Variants in UNC13C observed in about 807,000 individuals in gnomAD.
The protein encoded by UNC13C is unc-13 homolog C.
A neutral mutation model predicts 245.4 loss-of-function variants in UNC13C; 174 were observed. The observed-to-expected ratio is 0.71, with a 90% CI of 0.63 to 0.80. The LOEUF (loss-of-function observed/expected upper bound fraction) is 0.80. Among genes scored for constraint, UNC13C ranks in the 30% least tolerant of loss-of-function variants. The pLI, the probability that UNC13C is intolerant of heterozygous loss-of-function variation, is 0.00. For synonymous variants in UNC13C, 992 were observed against 895.1 expected (o/e 1.11, Z -1.93); for missense variants, 2,829 against 2,602.9 (o/e 1.09, Z -1.89).
chr15:54,019,396 G>A (rs1157872670), intron 2 of UNC13C, among the ~76,000 whole-genome samples: 1 of 152,226 alleles, frequency 6.6e-6, no homozygotes, highest in Non-Finnish European at 1.5e-5. Flanking sequence ...AAGGCACTAA[G>A]TTTCTGGGAC....
At chr15:53,967,225 T>A in the UNC13C span, among the ~76,000 whole-genome samples, 2 of 152,148 alleles carry the variant, frequency 1.3e-5, no homozygotes, top group Non-Finnish European at 2.9e-5. Flanking sequence ...TCATTATGCT[T>A]CATATACTCA....
intron 19 of UNC13C, among the ~76,000 whole-genome samples, chr15:54,471,661 TG>T (rs1327020647): frequency 6.6e-6 from 1 of 151,612 alleles, no homozygotes; most frequent in Non-Finnish European, 1.5e-5. Flanking sequence ...ACTTATTTTG[TG>T]GCCTAACATA....
chr15:54,143,115 C>G, intron 3 of UNC13C, 75 bp downstream of exon 3: 2 of 1,350,538 alleles, frequency 1.5e-6, no homozygotes, highest in South Asian at 2.4e-5. Context: ...CATATTAGAT[C>G]TGTTTGATTC....
At chr15:54,491,435 A>G (rs1368007297) in intron 19 of UNC13C, among the ~76,000 whole-genome samples, 1 of 152,236 alleles carries the variant, frequency 6.6e-6, no homozygotes, top group African/African-American at 2.4e-5. Context: ...AAAGCTGGAA[A>G]AATGCAAAAG....
At position 54,324,868 on chromosome 15, in the gene UNC13C, A is replaced by G. The variant is rs759522657; in HGVS notation, c.4425+2773A>G. ...TGAATGGCATATAACAAGCTTGTCC[A>G]ACCCACAGCCCGTGGGCCACATGCA... On this transcript the variant is annotated intron_variant, in intron 14 of 32. Coordinates refer to ENST00000260323, the MANE Select transcript of UNC13C (RefSeq NM_001080534.3). Among the ~76,000 whole-genome samples, 42 of 152,074 alleles carry G rather than the reference A, an allele frequency of 2.8e-4. 1 individual carries two copies. Among genetic ancestry groups the G allele is most frequent in the Non-Finnish European group, 5.1e-4 (35 of 67,992 alleles).
At chr15:54,533,739 T>C (rs1895862528) in intron 26 of UNC13C, among the ~76,000 whole-genome samples, 1 of 152,190 alleles carries the variant, frequency 6.6e-6, no homozygotes, top group African/African-American at 2.4e-5. Flanking sequence ...AGGTTTTTGT[T>C]CTGTTCCTAC....
At chr15:54,180,278 A>G (rs892711981) in intron 4 of UNC13C, among the ~76,000 whole-genome samples, 5 of 151,930 alleles carry the variant, frequency 3.3e-5, no homozygotes, top group African/African-American at 4.8e-5. Context: ...TTCCTGGACT[A>G]TTTTGCTTAG....
intron 17 of UNC13C, among the ~76,000 whole-genome samples, chr15:54,349,623 A>G (rs1162590618): frequency 6.6e-6 from 1 of 152,212 alleles, no homozygotes; most frequent in Non-Finnish European, 1.5e-5. Flanking sequence ...ACAATACCAA[A>G]AAAAGATCAA....
chr15:54,384,988 T>A (rs2039806380), intron 17 of UNC13C, among the ~76,000 whole-genome samples: 1 of 152,102 alleles, frequency 6.6e-6, no homozygotes, highest in Admixed American at 6.6e-5. Context: ...AGAATGGCTA[T>A]AATTTTTAAA....
At chr15:54,191,631 TC>T (rs2141326275) in intron 4 of UNC13C, among the ~76,000 whole-genome samples, 1 of 152,260 alleles carries the variant, frequency 6.6e-6, no homozygotes, top group African/African-American at 2.4e-5. Flanking sequence ...CGCCATACTG[TC>T]TTCCACAATG....
At chr15:54,532,872 C>T (rs1188577109) in intron 25 of UNC13C, 45 bp from the exon 26 acceptor site, 4 of 1,325,946 alleles carry the variant, frequency 3.0e-6, no homozygotes, top group Admixed American at 4.4e-5. Context: ...CAGGCTCAGG[C>T]AAAATGTATT....
At chr15:54,109,934 G>A (rs1900680139) in intron 2 of UNC13C, among the ~76,000 whole-genome samples, 1 of 151,990 alleles carries the variant, frequency 6.6e-6, no homozygotes, top group African/African-American at 2.4e-5. Context: ...GGAAGAAGAG[G>A]CCTATTTTCA....
intron 19 of UNC13C, among the ~76,000 whole-genome samples, chr15:54,440,215 T>G (rs939981362): frequency 6.6e-6 from 1 of 152,008 alleles, no homozygotes; most frequent in East Asian, 1.9e-4. Context: ...GTGCTCCCCC[T>G]TCACCCTCCA....
intron 13 of UNC13C, among the ~76,000 whole-genome samples, chr15:54,302,193 C>T (rs992040637): frequency 6.6e-6 from 1 of 152,050 alleles, no homozygotes; most frequent in African/African-American, 2.4e-5. Flanking sequence ...GATATTAGCC[C>T]TTTGTCAAAT....
At chr15:53,850,256 A>G in the UNC13C span, among the ~76,000 whole-genome samples, 1 of 152,060 alleles carries the variant, frequency 6.6e-6, no homozygotes, top group Non-Finnish European at 1.5e-5. Flanking sequence ...TCCACAAAAA[A>G]TAAAAAAATT....
At chr15:54,128,604 T>C (rs2031206384) in intron 2 of UNC13C, among the ~76,000 whole-genome samples, 1 of 152,214 alleles carries the variant, frequency 6.6e-6, no homozygotes, top group Non-Finnish European at 1.5e-5. Context: ...CTTTGGATCT[T>C]ATTAAAATCT....
chr15:54,245,290 G>A (rs1229550180), intron 7 of UNC13C, among the ~76,000 whole-genome samples: 3 of 152,060 alleles, frequency 2.0e-5, no homozygotes, highest in Non-Finnish European at 4.4e-5. Flanking sequence ...TATGTTCTGT[G>A]TCATAACAAA....
intron 30 of UNC13C, among the ~76,000 whole-genome samples, chr15:54,602,232 C>G (rs115094211): frequency 6.6e-6 from 1 of 152,170 alleles, no homozygotes; most frequent in African/African-American, 2.4e-5. Context: ...AACTTTATTT[C>G]GGAAACAATT....
chr15:54,107,317 A>C (rs1054647518), intron 2 of UNC13C, among the ~76,000 whole-genome samples: 22 of 152,250 alleles, frequency 1.4e-4, no homozygotes, highest in Middle Eastern at 3.4e-3. Flanking sequence ...AAAAAAATGT[A>C]TTTTAAATGA....
Sources: allele counts gnomAD v4.1 joint callset (sites outside exome capture counted in the v4.1 genomes callset), GRCh38; gene constraint gnomAD v4.1.1; transcripts MANE v1.5; gene names NCBI Gene and HGNC (gene_info 2026-07-23, HGNC 2026-07-21).